Variants in TSBP1 observed in about 807,000 individuals in gnomAD.
The protein encoded by TSBP1 is testis-expressed basic protein 1.
A neutral mutation model predicts 68.8 loss-of-function variants in TSBP1; 56 were observed. That is an observed-to-expected ratio of 0.81 (90% CI 0.66 to 1.02). The LOEUF (loss-of-function observed/expected upper bound fraction) is 1.02. TSBP1 is among the 50% of genes least tolerant of loss of function. The pLI, the probability that TSBP1 is intolerant of heterozygous loss-of-function variation, is 0.00. For synonymous variants in TSBP1, 171 were observed against 208.7 expected (o/e 0.82, Z 1.56); for missense variants, 502 against 641.2 (o/e 0.78, Z 2.34).
chr6:32,365,852 C>A lies in TSBP1; in HGVS notation c.217+315G>T. ...GACTCCCACAATGGTATTGTCTCAT[C>A]TGTGGATAGTTGTCTAAATTGATGC... On this transcript the variant is annotated intron_variant, in intron 6 of 22. Transcript: ENST00000612031. This position sits in a 1 kb window ranked among gnomAD's most constrained non-coding sequence, Gnocchi z 4.3. 2.1e-6 allele frequency: 1 copy of A among 482,682 alleles called. No homozygotes were observed. The highest frequency in any genetic ancestry group is 1.6e-5 in the South Asian group (1 of 62,422). 29.9% of individuals were successfully genotyped at this position (482,682 alleles called of 1,614,324 possible).
intron 1 of TSBP1, among the ~76,000 whole-genome samples, chr6:32,370,370 A>G (rs1774247426): frequency 6.9e-6 from 1 of 145,674 alleles, no homozygotes; most frequent in African/African-American, 2.5e-5. Context: ...TTTTCTGTGT[A>G]ATTTTAACTC....
intron 19 of TSBP1, among the ~76,000 whole-genome samples, chr6:32,308,362 G>A (rs548248713): frequency 6.6e-6 from 1 of 151,440 alleles, no homozygotes; most frequent in Non-Finnish European, 1.5e-5. Context: ...ACTTTGGGAG[G>A]CCGAGGCGGG....
chr6:32,318,331 A>G (rs1449075831), intron 18 of TSBP1, among the ~76,000 whole-genome samples: 2 of 152,208 alleles, frequency 1.3e-5, no homozygotes, highest in Non-Finnish European at 2.9e-5. Flanking sequence ...ACAGTCAGGA[A>G]AAATAACTAA....
Position 32,335,394 on chromosome 6 carries a change from T to C in TSBP1, c.472+43A>G. 1 of 1,484,612 alleles carries C rather than the reference T, an allele frequency of 6.7e-7. No individual in the cohort carries two copies. Among genetic ancestry groups the C allele is most frequent in the Admixed American group, 2.5e-5 (1 of 39,978 alleles). The allele number at this position is 1,484,612 out of a possible 1,614,324, so 92.0% of individuals were successfully genotyped here. A position where few individuals can be genotyped will look rare whatever the true frequency, so the allele number is the denominator to read the frequency against. ...AATAAAAATAGATTGATGTTCTAAG[T>C]AAAGTACTAAAAGGCATTATAATTG... On this transcript the variant is annotated intron_variant, in intron 14 of 22. Coordinates refer to ENST00000612031, the Ensembl canonical transcript of TSBP1. The surrounding 1 kb of genome is among the most constrained non-coding windows in gnomAD (Gnocchi z 5.5).
chr6:32,371,694 C>T, exon 1 of TSBP1: 3 of 1,611,868 alleles, frequency 1.9e-6, no homozygotes, highest in Non-Finnish European at 2.5e-6. Flanking sequence ...TAGTCCATAC[C>T]CAAGACTGTC....
rs756960081 is a variant in TSBP1 at position 32,371,724 on chromosome 6, C to A, written c.-18G>T. On this transcript the variant is annotated 5_prime_UTR_variant, in exon 1 of 23. It removes an upstream start codon present in the reference 5' UTR. Transcript: ENST00000612031. ...ACTGTCATTTTCCATGTATTGTCTT[C>A]ATCAGGTCTCGCATCATCTGGATTT... The A allele has an allele frequency of 3.1e-6, 5 of 1,613,716 alleles. No individual in the cohort carries two copies. The Admixed American group carries it at 5.0e-5, about 16-fold the overall frequency.
At chr6:32,295,998 C>T (rs1413360603) in intron 22 of TSBP1, among the ~76,000 whole-genome samples, 1 of 152,106 alleles carries the variant, frequency 6.6e-6, no homozygotes, top group Non-Finnish European at 1.5e-5. Flanking sequence ...GCATGTGCCA[C>T]CACACCCGGC....
rs1360716846 is a variant in TSBP1 at position 32,321,285 on chromosome 6, C to G, written c.559+1832G>C. ...GTTACTTTTGCGTGCTTTTTTTCAT[C>G]CCCTCTACTAGGATGATATATAGGA... On this transcript the variant is annotated intron_variant, in intron 18 of 22. Transcript: ENST00000612031. This position sits in a 1 kb window ranked among gnomAD's most constrained non-coding sequence, Gnocchi z 4.3. Among the ~76,000 whole-genome samples, 1 of 152,020 alleles carries G rather than the reference C, an allele frequency of 6.6e-6. No homozygotes were observed. The highest frequency in any genetic ancestry group is 1.5e-5 in the Non-Finnish European group (1 of 68,006).
Position 32,332,709 on chromosome 6 carries a change from A to G in TSBP1, c.473-655T>C, listed in dbSNP as rs142064627. Among the ~76,000 whole-genome samples, 1,018 of 152,168 alleles carry G rather than the reference A, an allele frequency of 6.7e-3. 18 individuals carry two copies. Among genetic ancestry groups the G allele is most frequent in the East Asian group, 0.02 (102 of 5,182 alleles). On this transcript the variant is annotated intron_variant, in intron 14 of 22. Transcript: ENST00000612031. ...ACTACAGTCTCGACCTCCTGGGCTC[A>G]AGTGATCCTCCCACCTCAGCCTCTT...
intron 18 of TSBP1, among the ~76,000 whole-genome samples, chr6:32,318,435 C>T (rs1767209519): frequency 6.6e-6 from 1 of 152,054 alleles, no homozygotes; most frequent in South Asian, 2.1e-4. Context: ...CACATGTATC[C>T]CTGAACTTAA....
At chr6:32,327,190 T>C (rs1768318533) in intron 16 of TSBP1, among the ~76,000 whole-genome samples, 1 of 152,166 alleles carries the variant, frequency 6.6e-6, no homozygotes, top group South Asian at 2.1e-4. Context: ...TGTGAGTTTC[T>C]ACACACACAA....
intron 16 of TSBP1, among the ~76,000 whole-genome samples, chr6:32,327,030 C>T (rs140844005): frequency 2.7e-3 from 407 of 152,342 alleles, no homozygotes; most frequent in Non-Finnish European, 5.2e-3. Flanking sequence ...ATACAAATAT[C>T]CTTCCCTTCC....
At chr6:32,309,268 T>A (rs1404047389) in intron 19 of TSBP1, among the ~76,000 whole-genome samples, 1 of 152,144 alleles carries the variant, frequency 6.6e-6, no homozygotes, top group Non-Finnish European at 1.5e-5. Context: ...CTTTTCCTTC[T>A]CCTTCTTCTC....
At chr6:32,358,903 G>T (rs1040620649) in intron 6 of TSBP1, among the ~76,000 whole-genome samples, 47 of 99,188 alleles carry the variant, frequency 4.7e-4, no homozygotes, top group Non-Finnish European at 1.2e-4. Flanking sequence ...ATAGCAGCAT[G>T]ATTTGTTTTA....
At chr6:32,359,344 GGT>G (rs1474934790) in intron 6 of TSBP1, among the ~76,000 whole-genome samples, 1 of 152,034 alleles carries the variant, frequency 6.6e-6, no homozygotes, top group Non-Finnish European at 1.5e-5. Flanking sequence ...CATTCTAACT[GGT>G]GTGAGATGGT....
At chr6:32,364,271 A>C (rs1049949623) in intron 6 of TSBP1, among the ~76,000 whole-genome samples, 2 of 152,142 alleles carry the variant, frequency 1.3e-5, no homozygotes, top group African/African-American at 4.8e-5. Flanking sequence ...ACAGATTTGG[A>C]AAGTTTTTAG....
intron 22 of TSBP1, among the ~76,000 whole-genome samples, chr6:32,294,993 A>G (rs535103043): frequency 6.6e-6 from 1 of 152,238 alleles, no homozygotes; most frequent in African/African-American, 2.4e-5. Context: ...AGAAAATCTA[A>G]TATTTAATAT....
At chr6:32,369,841 A>C in intron 2 of TSBP1, 56 bp downstream of exon 2, 6 of 1,043,376 alleles carry the variant, frequency 5.8e-6, no homozygotes, top group Non-Finnish European at 9.1e-6. Flanking sequence ...GAATCTTGGC[A>C]TCCCTCCCTC....
chr6:32,323,467 G>C (rs1423971232), intron 17 of TSBP1, 124 bp downstream of exon 18: 1 of 879,466 alleles, frequency 1.1e-6, no homozygotes, highest in African/African-American at 1.7e-5. Context: ...GAGGAAACTG[G>C]AAGCTTTGAG....
Sources: gnomAD v4.1 joint callset for allele counts (sites outside exome capture counted in the v4.1 genomes callset) on GRCh38, gnomAD v4.1.1 for gene constraint, Gnocchi (gnomAD v3.1) non-coding constraint, MANE v1.5 for transcripts, NCBI Gene and HGNC (gene_info 2026-07-23, HGNC 2026-07-21) for gene names.